Variants in HSD17B2 observed in about 807,000 individuals in gnomAD.
HSD17B2 encodes hydroxysteroid 17-beta dehydrogenase 2.
In HSD17B2, 32 loss-of-function variants were observed where a neutral mutation model predicts 26.9. The observed-to-expected ratio is 1.19, with a 90% confidence interval of 0.90 to 1.60. HSD17B2 has a LOEUF of 1.60. HSD17B2 is among the 40% of genes most tolerant of loss of function. The pLI is 0.00. For synonymous variants in HSD17B2, 246 were observed against 186.7 expected, an observed-to-expected ratio of 1.32 and a Z score of -2.59; for missense variants, 613 against 468.6, an observed-to-expected ratio of 1.31 and a Z score of -2.85.
intron 3 of HSD17B2, among the ~76,000 whole-genome samples, chr16:82,086,743 G>C (rs1013421118): frequency 6.6e-6 from 1 of 152,182 alleles, no homozygotes; most frequent in African/African-American, 2.4e-5. Context: ...ATGTCAGTCT[G>C]CTCAGACTGT....
At chr16:82,059,494 T>A (rs1269025425) in intron 1 of HSD17B2, among the ~76,000 whole-genome samples, 1 of 152,198 alleles carries the variant, frequency 6.6e-6, no homozygotes, top group Non-Finnish European at 1.5e-5. Context: ...TCCAGGCCAA[T>A]TAAATGGGAG....
At chr16:82,078,838 G>A (rs1433454747) in intron 3 of HSD17B2, among the ~76,000 whole-genome samples, 2 of 152,188 alleles carry the variant, frequency 1.3e-5, no homozygotes, top group Non-Finnish European at 2.9e-5. Context: ...TGAACTCATG[G>A]AGATAGAGTA....
At chr16:82,067,119 G>A (rs1212403604) in intron 1 of HSD17B2, among the ~76,000 whole-genome samples, 1 of 152,136 alleles carries the variant, frequency 6.6e-6, no homozygotes, top group African/African-American at 2.4e-5. Context: ...GCTTGGAAGC[G>A]AGATCTCTTT....
intron 3 of HSD17B2, among the ~76,000 whole-genome samples, chr16:82,074,926 C>G (rs935569389): frequency 3.3e-5 from 5 of 152,130 alleles, no homozygotes; most frequent in Non-Finnish European, 5.9e-5. Flanking sequence ...ATGGATCGTT[C>G]TCAAGGATAG....
chr16:82,036,361 T>TGC (rs908552158), intron 1 of HSD17B2, among the ~76,000 whole-genome samples: 9 of 148,622 alleles, frequency 6.1e-5, no homozygotes, highest in African/African-American at 2.2e-4. Context: ...TGTGTGTGTG[T>TGC]GTTTCCCCAT....
chr16:82,070,679 G>T (rs1363121611), intron 2 of HSD17B2: 5 of 481,158 alleles, frequency 1.0e-5, no homozygotes, highest in Non-Finnish European at 1.5e-5. Context: ...AATACCTGCT[G>T]GTTCACTTAG....
At chr16:82,093,534 T>G (rs1193661115) in intron 4 of HSD17B2, 2 of 152,238 alleles carry the variant, frequency 1.3e-5, no homozygotes, top group African/African-American at 4.8e-5. Context: ...TGAACAAGTA[T>G]GAACAATGCA....
At chr16:82,094,405 T>G (rs2142369204) in intron 4 of HSD17B2, 1 of 152,376 alleles carries the variant, frequency 6.6e-6, no homozygotes, top group Non-Finnish European at 1.5e-5. Context: ...GGAGCAGGTT[T>G]CATTGACATT....
Position 82,068,285 on chromosome 16 carries a change from C to T in HSD17B2, c.381C>T (p.Thr127=). Residue 127 remains threonine, a synonymous_variant, in exon 2 of 5, where the codon ACC becomes ACT. Coordinates refer to ENST00000199936, the MANE Select transcript of HSD17B2 (RefSeq NM_002153.3). ...CAGGAGCTGAGGAATTGCGAAGAAC[C>T]TGCTCTCCGCGCCTCTCGGTGCTCC... ...NGPGAEELRR[T]CSPRLSVLQM... 6.2e-7 allele frequency: 1 copy of T among 1,613,982 alleles called. No homozygotes were observed. The highest frequency in any genetic ancestry group is 1.1e-5 in the South Asian group (1 of 91,058).
chr16:82,097,299 T>C (rs12921045), intron 4 of HSD17B2: 7 of 151,760 alleles, frequency 4.6e-5, no homozygotes, highest in East Asian at 1.9e-4. Flanking sequence ...TGTGTATATA[T>C]ATATACACAT....
At chr16:82,087,125 A>G (rs954374155) in intron 3 of HSD17B2, among the ~76,000 whole-genome samples, 1 of 152,170 alleles carries the variant, frequency 6.6e-6, no homozygotes, top group Non-Finnish European at 1.5e-5. Flanking sequence ...TAAGTCCATA[A>G]CAAGGTGTGT....
intron 1 of HSD17B2, among the ~76,000 whole-genome samples, chr16:82,047,756 C>G (rs1248014432): frequency 6.6e-6 from 1 of 152,186 alleles, no homozygotes; most frequent in Non-Finnish European, 1.5e-5. Context: ...TATCATGGCT[C>G]TCATCATATG....
At chr16:82,035,786 T>C in intron 1 of HSD17B2, 97 bp downstream of exon 1, 2 of 1,309,390 alleles carry the variant, frequency 1.5e-6, no homozygotes, top group East Asian at 4.6e-5. Context: ...AATAAAATAC[T>C]TGGCATGGAG....
chr16:82,053,425 TTTTATTTATTTATTATTA>T (rs1370025631), intron 1 of HSD17B2, among the ~76,000 whole-genome samples: 5 of 151,980 alleles, frequency 3.3e-5, no homozygotes, highest in South Asian at 2.1e-4. Context: ...GAGTTTTAAT[TTTTATTTATTTATTATTA>T]TTTATTTATT....
In HSD17B2 at chr16:82,036,062, C is replaced by T. The variant is rs112823682; in HGVS notation, c.265+373C>T. Among the ~76,000 whole-genome samples the T allele has an allele frequency of 3.0e-4, 46 of 152,266 alleles. 2 individuals are homozygous for T. Among genetic ancestry groups the T allele is most frequent in the African/African-American group, 1.0e-3 (43 of 41,556 alleles). On this transcript the variant is annotated intron_variant, in intron 1 of 4. Coordinates refer to ENST00000199936, the MANE Select transcript of HSD17B2 (RefSeq NM_002153.3). The stretch of plus-strand genomic sequence containing the variant: ...TCTGACATCATTGTTTGGCCAGGTT[C>T]TCCACCTGGACTCTTCTTCCCTAGG...
intron 1 of HSD17B2, among the ~76,000 whole-genome samples, chr16:82,037,043 A>C (rs1336711148): frequency 6.6e-6 from 1 of 152,168 alleles, no homozygotes; most frequent in Non-Finnish European, 1.5e-5. Flanking sequence ...TGCAGGTGTT[A>C]ATTAATGCTC....
Position 82,035,307 on chromosome 16 carries a change from C to T in HSD17B2, c.-118C>T, listed in dbSNP as rs753628413. 1.2e-5 allele frequency: 11 copies of T among 885,052 alleles called. No homozygotes were observed. The East Asian group carries it at 2.5e-4, about 20-fold the overall frequency. The allele number at this position is 885,052 out of a possible 1,614,324, so 54.8% of individuals were successfully genotyped here. A position where few individuals can be genotyped will look rare whatever the true frequency, so the allele number is the denominator to read the frequency against. On this transcript the variant is annotated 5_prime_UTR_variant, in exon 1 of 5. Transcript: ENST00000199936. ...TATGCTCAGTTGAAAGGGGCTGGGGCTGCTTTCTCCCCTCCCTTCTTGACT... is the reference window on the plus strand; with the variant it reads ...TATGCTCAGTTGAAAGGGGCTGGGGTTGCTTTCTCCCCTCCCTTCTTGACT...
At chr16:82,047,187 G>A (rs1202854800) in intron 1 of HSD17B2, among the ~76,000 whole-genome samples, 2 of 152,202 alleles carry the variant, frequency 1.3e-5, no homozygotes, top group East Asian at 1.9e-4. Context: ...GCAATCATAA[G>A]TGCTCTGTGC....
chr16:82,059,603 T>A (rs1478199875), intron 1 of HSD17B2, among the ~76,000 whole-genome samples: 1 of 152,162 alleles, frequency 6.6e-6, no homozygotes, highest in Non-Finnish European at 1.5e-5. Context: ...CAGGGAGTAT[T>A]TGTCTTCTGT....
Sources: allele counts gnomAD v4.1 joint callset (sites outside exome capture counted in the v4.1 genomes callset), GRCh38; gene constraint gnomAD v4.1.1; transcripts MANE v1.5; gene names NCBI Gene and HGNC (gene_info 2026-07-23, HGNC 2026-07-21).